Variants in TLCD3B observed in about 807,000 individuals in gnomAD.
TLCD3B encodes the protein ceramide synthase.
A neutral mutation model predicts 23.0 loss-of-function variants in TLCD3B; 9 were observed. The observed-to-expected ratio is 0.39, with a 90% CI of 0.24 to 0.68. The LOEUF (loss-of-function observed/expected upper bound fraction) is 0.68, where lower values mean the gene tolerates loss of function less well. TLCD3B is among the 30% of genes least tolerant of loss of function. TLCD3B has a pLI of 0.44. For missense variants in TLCD3B, 307 were observed against 371.8 expected (o/e 0.83, Z 1.43); for synonymous variants, 161 against 161.0 (o/e 1.00, Z 0.00).
At chr16:30,035,243 C>G, upstream of TLCD3B, 1 of 1,190,130 alleles carries the variant, frequency 8.4e-7, no homozygotes, top group Non-Finnish European at 1.1e-6. Context: ...CATTCCAGCT[C>G]CACTCCACAC....
intron 3 of TLCD3B, among the ~76,000 whole-genome samples, chr16:30,039,807 T>A (rs962105083): frequency 1.3e-5 from 2 of 151,782 alleles, no homozygotes; most frequent in African/African-American, 2.4e-5. Flanking sequence ...CTTTATTTTC[T>A]TCCCTCTGGA....
At chr16:30,028,194 T>C (rs1247765568) in intron 2 of TLCD3B, among the ~76,000 whole-genome samples, 3 of 152,162 alleles carry the variant, frequency 2.0e-5, no homozygotes, top group Non-Finnish European at 2.9e-5. Flanking sequence ...ACAGCTGGGC[T>C]GGTGCAGGAG....
chr16:30,027,268 G>A, intron 2 of TLCD3B: 1 of 429,270 alleles, frequency 2.3e-6, no homozygotes, highest in Non-Finnish European at 4.7e-6. Flanking sequence ...AGAGGTCACA[G>A]GGGTGGACGC....
upstream of TLCD3B, among the ~76,000 whole-genome samples, chr16:30,031,795 C>A (rs113843072): frequency 3.3e-5 from 5 of 152,212 alleles, no homozygotes; most frequent in African/African-American, 1.2e-4. Flanking sequence ...GAGGTCACTG[C>A]GTCTGTCCTT....
chr16:30,027,110 A>T (rs541602425), intron 2 of TLCD3B: 21 of 577,086 alleles, frequency 3.6e-5, no homozygotes, highest in Non-Finnish European at 6.6e-5. Context: ...AAAAGAAAAG[A>T]CCAGAAGATG....
rs2071064176 is a variant in TLCD3B at position 30,025,276 on chromosome 16, A to G, written c.732T>C (p.Pro244=). 6.5e-7 allele frequency: 1 copy of G among 1,544,892 alleles called. No homozygotes were observed. The highest frequency in any genetic ancestry group is 1.4e-5 in the African/African-American group (1 of 72,586). Residue 244 remains proline (P), a synonymous_variant, in exon 5 of 5, where the codon CCT becomes CCC. Transcript: ENST00000380495. This position sits in a 1 kb window ranked among gnomAD's most constrained non-coding sequence, Gnocchi z 4.1. ...AGATGAGGAAGAACCAGTAGAGCTG[A>G]GGGGCCAGGAGCAGCGCAGCGCCCA... is the stretch of plus-strand genomic sequence containing the variant. The part of the protein sequence containing the change: ...VNLGAALLLA[P]QLYWFFLICR...
At chr16:30,027,454 T>A in intron 2 of TLCD3B, 1 of 412,408 alleles carries the variant, frequency 2.4e-6, no homozygotes. Flanking sequence ...GCGGTGTGGC[T>A]CCACAGCCCT....
intron 1 of TLCD3B, among the ~76,000 whole-genome samples, chr16:30,049,275 T>C (rs570270044): frequency 1.4e-3 from 209 of 152,306 alleles, no homozygotes; most frequent in African/African-American, 4.7e-3. Context: ...TTTCATTTTA[T>C]ACTAAGGAGG....
chr16:30,044,195 C>T (rs2071620254), intron 2 of TLCD3B, among the ~76,000 whole-genome samples: 1 of 151,684 alleles, frequency 6.6e-6, no homozygotes, highest in Non-Finnish European at 1.5e-5. Flanking sequence ...TGGGGTTTCA[C>T]CATGTTGCCC....
intron 2 of TLCD3B, among the ~76,000 whole-genome samples, chr16:30,045,830 T>C (rs1005020986): frequency 2.0e-4 from 30 of 151,668 alleles, no homozygotes; most frequent in Middle Eastern, 3.4e-3. Context: ...GGGTGGTCAA[T>C]GGGTGTTCAG....
chr16:30,031,192 CG>C lies in TLCD3B; in HGVS notation c.-666del. On this transcript the variant is annotated 5_prime_UTR_variant, in exon 1 of 5. It removes the in-frame stop codon of an upstream open reading frame in the 5' UTR. Coordinates refer to ENST00000380495, the MANE Select transcript of TLCD3B (RefSeq NM_031478.6). ...GGGGAAGTGGCCAGCTTGGGGAGGACGGGGGAGGGGCAGGAAAATGATGGCA... is the reference window on the plus strand; with the variant it reads ...GGGGAAGTGGCCAGCTTGGGGAGGACGGGGAGGGGCAGGAAAATGATGGCA... 6.6e-6 allele frequency: 1 copy of C among 150,448 alleles called. No homozygotes were observed. The highest frequency in any genetic ancestry group is 1.5e-5 in the Non-Finnish European group (1 of 67,710). The allele number at this position is 150,448 out of a possible 1,614,324, so 9.3% of individuals were successfully genotyped here.
Position 30,025,232 on chromosome 16 carries a change from A to G in TLCD3B, c.776T>C (p.Leu259Pro). The G allele has an allele frequency of 6.6e-7, 1 of 1,521,024 alleles. No individual in the cohort carries two copies. Among genetic ancestry groups the G allele is most frequent in the Non-Finnish European group, 8.8e-7 (1 of 1,136,634 alleles). 94.2% of individuals were successfully genotyped at this position (1,521,024 alleles called of 1,614,324 possible). A position where few individuals can be genotyped will look rare whatever the true frequency, so the allele number is the denominator to read the frequency against. ...GGGCGGCCGGGAGCGGGGCCAGAAG[A>G]GGCGGCAGGCCCCACGGCAGATGAG... ...FFLICRGACR[L>P]FWPRSRPPPA... is the part of the protein sequence containing the mutation. Residue 259 changes from leucine (L) to proline (P), a missense_variant, in exon 5 of 5, where the codon CTC becomes CCC. Transcript: ENST00000380495. This position sits in a 1 kb window ranked among gnomAD's most constrained non-coding sequence, Gnocchi z 4.1.
chr16:30,031,928 G>A (rs1290396802), upstream of TLCD3B, among the ~76,000 whole-genome samples: 1 of 152,198 alleles, frequency 6.6e-6, no homozygotes, highest in Non-Finnish European at 1.5e-5. Flanking sequence ...TGGCGAGAGC[G>A]CGGGGCAGCT....
chr16:30,024,558 C>A lies in TLCD3B; in HGVS notation c.*625G>T, dbSNP rs1379133559. The A allele has an allele frequency of 2.6e-6, 1 of 391,858 alleles. No individual in the cohort carries two copies. The highest frequency in any genetic ancestry group is 4.6e-6 in the Non-Finnish European group (1 of 217,324). 24.3% of individuals were successfully genotyped at this position (391,858 alleles called of 1,614,324 possible). On this transcript the variant is annotated 3_prime_UTR_variant, in exon 5 of 5. Coordinates refer to ENST00000380495, the MANE Select transcript of TLCD3B (RefSeq NM_031478.6). ...TGGCAGGGCCCGAGGGCGCGATGTGCAGCCGATGGTGAGGGACTGGGCGCC... is the reference window on the plus strand; with the variant it reads ...TGGCAGGGCCCGAGGGCGCGATGTGAAGCCGATGGTGAGGGACTGGGCGCC...
intron 1 of TLCD3B, 170 bp downstream of exon 1, chr16:30,030,233 A>G (rs1567301467): frequency 1.7e-6 from 2 of 1,210,134 alleles, no homozygotes. Flanking sequence ...CTCCCAGAAC[A>G]GTGAGCAAGG....
chr16:30,044,832 G>A (rs1415588768), intron 2 of TLCD3B, among the ~76,000 whole-genome samples: 3 of 152,132 alleles, frequency 2.0e-5, no homozygotes, highest in Non-Finnish European at 4.4e-5. Flanking sequence ...TGTAATCCCA[G>A]CACTTTGGAG....
chr16:30,036,307 T>C (rs750195012), intron 3 of TLCD3B: 1 of 1,289,054 alleles, frequency 7.8e-7, no homozygotes, highest in Non-Finnish European at 1.0e-6. Context: ...GCGATTGTTG[T>C]TCCATTAAAA....
At chr16:30,047,719 A>C (rs995079122) in intron 1 of TLCD3B, among the ~76,000 whole-genome samples, 37 of 151,006 alleles carry the variant, frequency 2.5e-4, no homozygotes, top group Non-Finnish European at 2.9e-5. Context: ...TCAGCCTCCC[A>C]AAATGCAGGG....
chr16:30,040,975 T>C (rs933278963), intron 3 of TLCD3B: 1 of 152,242 alleles, frequency 6.6e-6, no homozygotes, highest in African/African-American at 2.4e-5. Context: ...ATGGTCATTT[T>C]CCTCTGCACC....
Sources: gnomAD v4.1 joint callset for allele counts (sites outside exome capture counted in the v4.1 genomes callset) on GRCh38, gnomAD v4.1.1 for gene constraint, Gnocchi (gnomAD v3.1) non-coding constraint, MANE v1.5 for transcripts, NCBI Gene and HGNC (gene_info 2026-07-23, HGNC 2026-07-21) for gene names.